HTR2A: variants seen among roughly 807,000 people sequenced by gnomAD.
HTR2A encodes 5-hydroxytryptamine receptor 2A, also known as 5-HT2 receptor.
In HTR2A, 14 loss-of-function variants were observed where a neutral mutation model predicts 31.0. That is an observed-to-expected ratio of 0.45 (90% confidence interval 0.30 to 0.71). The LOEUF (loss-of-function observed/expected upper bound fraction) is 0.71. HTR2A is among the 30% of genes least tolerant of loss of function. HTR2A has a pLI of 0.09. For synonymous variants in HTR2A, 209 were observed against 225.2 expected, an observed-to-expected ratio of 0.93 and a Z score of 0.64; for missense variants, 442 against 573.3, an observed-to-expected ratio of 0.77 and a Z score of 2.34.
intron 3 of HTR2A, among the ~76,000 whole-genome samples, chr13:46,882,000 T>C (rs1413678866): frequency 1.3e-5 from 2 of 152,210 alleles, no homozygotes; most frequent in African/African-American, 2.4e-5. Flanking sequence ...GCTTAGATTT[T>C]ATGTAGTTAC....
intron 3 of HTR2A, among the ~76,000 whole-genome samples, chr13:46,845,244 G>A (rs974314876): frequency 6.6e-5 from 10 of 152,270 alleles, no homozygotes; most frequent in African/African-American, 1.9e-4. Flanking sequence ...GTCACAGTGC[G>A]AGGCTCATTG....
chr13:46,862,213 A>G (rs1425153304), intron 3 of HTR2A, among the ~76,000 whole-genome samples: 1 of 152,216 alleles, frequency 6.6e-6, no homozygotes, highest in African/African-American at 2.4e-5. Flanking sequence ...TACACAGCAT[A>G]TAGGAAATGC....
intron 3 of HTR2A, among the ~76,000 whole-genome samples, chr13:46,886,797 A>G (rs1168140527): frequency 1.3e-5 from 2 of 152,200 alleles, no homozygotes; most frequent in Non-Finnish European, 2.9e-5. Flanking sequence ...TTAAAGGAAC[A>G]GATTGAGAGA....
intron 1 of HTR2A, 30 bp from the exon 2 acceptor site, chr13:46,896,264 C>T: frequency 1.8e-6 from 2 of 1,089,390 alleles, no homozygotes; most frequent in Non-Finnish European, 2.2e-6. Flanking sequence ...TTTATAACTA[C>T]TGGGACTCTT....
At chr13:46,897,997 G>C (rs1426324722), upstream of HTR2A, among the ~76,000 whole-genome samples, 1 of 152,130 alleles carries the variant, frequency 6.6e-6, no homozygotes, top group Non-Finnish European at 1.5e-5. Context: ...GACAGCTGCT[G>C]TTATCCGCGA....
chr13:46,879,284 G>C (rs922873855), intron 3 of HTR2A, among the ~76,000 whole-genome samples: 1 of 152,192 alleles, frequency 6.6e-6, no homozygotes, highest in South Asian at 2.1e-4. Context: ...CTATAGTCCT[G>C]AGCTGTTTCT....
At chr13:46,893,299 A>C (rs959200553) in intron 2 of HTR2A, among the ~76,000 whole-genome samples, 3 of 152,358 alleles carry the variant, frequency 2.0e-5, no homozygotes, top group African/African-American at 7.2e-5. Context: ...AGACTCTGCC[A>C]CACCTCTTAA....
intron 3 of HTR2A, among the ~76,000 whole-genome samples, chr13:46,888,994 T>A (rs1247838431): frequency 2.0e-5 from 3 of 152,026 alleles, no homozygotes; most frequent in Non-Finnish European, 2.9e-5. Context: ...AATAGCAAAT[T>A]GTAAGATAAC....
Position 46,896,877 on chromosome 13 carries a change from T to A in HTR2A, c.-532A>T. On this transcript the variant is annotated 5_prime_UTR_variant, in exon 1 of 4. It adds an upstream start codon to the 5' untranslated region. Transcript: ENST00000542664. ...CCCGCACTGCTAGGATCCTGTTGGC[T>A]TCCTCTGGCACGGCTCGGCTGGGTT... 1 of 1,522,676 alleles carries A rather than the reference T, an allele frequency of 6.6e-7. No homozygotes were observed. The highest frequency in any genetic ancestry group is 1.2e-5 in the South Asian group (1 of 82,720). 94.3% of individuals were successfully genotyped at this position (1,522,676 alleles called of 1,614,324 possible). A position where few individuals can be genotyped will look rare whatever the true frequency, so the allele number is the denominator to read the frequency against.
intron 3 of HTR2A, among the ~76,000 whole-genome samples, chr13:46,881,745 A>G (rs973867626): frequency 1.3e-5 from 2 of 152,138 alleles, no homozygotes; most frequent in African/African-American, 4.8e-5. Context: ...TTGGGCATAA[A>G]CCTGGAGGGT....
rs551516398 is a variant in HTR2A, at chr13:46,836,480, A to G, written c.614-841T>C. ...TCTTCCTATTCCATTTAACATTATA[A>G]ATCATGATAATTGCACATAAAATAT... On this transcript the variant is annotated intron_variant, in intron 3 of 3. Coordinates refer to ENST00000542664, the MANE Select transcript of HTR2A (RefSeq NM_000621.5). Among the ~76,000 whole-genome samples the G allele has an allele frequency of 2.0e-3, 300 of 152,328 alleles. 1 individual carries two copies. The highest frequency in any genetic ancestry group is 6.9e-3 in the African/African-American group (287 of 41,576).
Position 46,895,950 on chromosome 13 carries a change from C to T in HTR2A, c.-44G>A. ...AGCAGATGAGGTGTAGAAGGACTAA[C>T]AGGTTATAGTTTCTGCTCACCATTC... On this transcript the variant is annotated 5_prime_UTR_variant, in exon 2 of 4. Transcript: ENST00000542664. This position sits in a 1 kb window ranked among gnomAD's most constrained non-coding sequence, Gnocchi z 4.4. 6.4e-7 allele frequency: 1 copy of T among 1,559,150 alleles called. No homozygotes were observed. Among genetic ancestry groups the T allele is most frequent in the Non-Finnish European group, 8.7e-7 (1 of 1,155,126 alleles).
chr13:46,857,465 C>G (rs977927315), intron 3 of HTR2A, among the ~76,000 whole-genome samples: 2 of 152,062 alleles, frequency 1.3e-5, no homozygotes, highest in Admixed American at 6.6e-5. Context: ...TCTCTAGGGC[C>G]CCTTTGATAA....
intron 3 of HTR2A, among the ~76,000 whole-genome samples, chr13:46,889,034 A>G (rs1157068690): frequency 1.3e-5 from 2 of 152,194 alleles, no homozygotes; most frequent in East Asian, 1.9e-4. Context: ...AGTTAACATT[A>G]TATGTAAAAG....
chr13:46,835,619 C>T lies in HTR2A; in HGVS notation c.634G>A (p.Val212Ile), dbSNP rs907368969. The part of the protein sequence containing the change: ...ISVGISMPIP[V>I]FGLQDDSKVF... ...TTCGAATCGTCCTGTAGCCCAAAGA[C>T]TGGTATTGGCATGGATATACCTGGA... The change falls in exon 4 of 4, where the codon GTC becomes ATC. Residue 212 changes from valine to isoleucine, a missense_variant. By Grantham distance (29) the Val-to-Ile change is conservative (BLOSUM62 3). Transcript: ENST00000542664. 1 of 1,613,050 alleles carries T rather than the reference C, an allele frequency of 6.2e-7. No individual in the cohort carries two copies. The highest frequency in any genetic ancestry group is 8.5e-7 in the Non-Finnish European group (1 of 1,179,482).
At chr13:46,875,008 A>G (rs1950896923) in intron 3 of HTR2A, among the ~76,000 whole-genome samples, 1 of 152,226 alleles carries the variant, frequency 6.6e-6, no homozygotes, top group South Asian at 2.1e-4. Flanking sequence ...TACCCTTATC[A>G]TAGAAAGATG....
At chr13:46,875,531 G>C (rs1342625294) in intron 3 of HTR2A, among the ~76,000 whole-genome samples, 2 of 152,082 alleles carry the variant, frequency 1.3e-5, no homozygotes, top group Non-Finnish European at 2.9e-5. Context: ...TGACTTTGAA[G>C]ACATCACTTT....
intron 3 of HTR2A, among the ~76,000 whole-genome samples, chr13:46,865,308 C>A (rs1950810543): frequency 6.6e-6 from 1 of 152,114 alleles, no homozygotes; most frequent in Non-Finnish European, 1.5e-5. Context: ...AGAAAGACTG[C>A]AAGTGATAGG....
intron 3 of HTR2A, among the ~76,000 whole-genome samples, chr13:46,841,839 T>A (rs1019566045): frequency 2.6e-5 from 4 of 152,118 alleles, no homozygotes; most frequent in Non-Finnish European, 5.9e-5. Context: ...CCCATCCACA[T>A]CTCTCTTGTC....
Sources: gnomAD v4.1 joint callset for allele counts (sites outside exome capture counted in the v4.1 genomes callset) on GRCh38, gnomAD v4.1.1 for gene constraint, Gnocchi (gnomAD v3.1) non-coding constraint, MANE v1.5 for transcripts, NCBI Gene and HGNC (gene_info 2026-07-23, HGNC 2026-07-21) for gene names.